The following LIPI variants were observed in gnomAD, a reference collection of about 807,000 sequenced individuals.
LIPI encodes the protein lipase I.
LIPI carries 59 observed loss-of-function variants against 50.6 expected under a neutral mutation model. The observed-to-expected ratio is 1.16, with a 90% CI of 0.94 to 1.45. The LOEUF is 1.45. Among genes scored for constraint, LIPI ranks in the 40% most tolerant of loss-of-function variants. The pLI, the probability that LIPI is intolerant of heterozygous loss-of-function variation, is 0.00. For synonymous variants in LIPI, 203 were observed against 178.2 expected (o/e 1.14, Z -1.11); for missense variants, 586 against 536.3 (o/e 1.09, Z -0.92).
intron 9 of LIPI, among the ~76,000 whole-genome samples, chr21:14,120,960 C>A (rs1193313820): frequency 1.3e-5 from 2 of 152,076 alleles, no homozygotes; most frequent in African/African-American, 4.8e-5. Flanking sequence ...CTACTCAGAC[C>A]CCAGGAATTC....
At chr21:14,193,600 A>G (rs1265808852) in intron 1 of LIPI, among the ~76,000 whole-genome samples, 1 of 152,138 alleles carries the variant, frequency 6.6e-6, no homozygotes, top group Non-Finnish European at 1.5e-5. Flanking sequence ...ATGCTGCACT[A>G]ACATCAAGCA....
Position 14,194,858 on chromosome 21 carries a change from T to C in LIPI, c.47-5439A>G, listed in dbSNP as rs564487066. ...AATTGAAAGAAAACAAAACAAAACATTAAGAATCCAATTCCTGTCATTATA... is the reference window on the plus strand; with the variant it reads ...AATTGAAAGAAAACAAAACAAAACACTAAGAATCCAATTCCTGTCATTATA... On this transcript the variant is annotated intron_variant, in intron 1 of 9. Coordinates refer to ENST00000681601, the MANE Select transcript of LIPI (RefSeq NM_001302998.2). 4.6e-5 allele frequency among the ~76,000 whole-genome samples: 7 copies of C among 152,250 alleles called. No homozygotes were observed. The South Asian group carries it at 1.5e-3, about 32-fold the overall frequency.
intron 7 of LIPI, among the ~76,000 whole-genome samples, chr21:14,161,856 TATAATTACATA>T (rs1480098174): frequency 1.7e-5 from 2 of 115,964 alleles, no homozygotes; most frequent in Non-Finnish European, 1.7e-5. Flanking sequence ...CATTATTATA[TATAATTACATA>T]TAATATAACA....
intron 9 of LIPI, among the ~76,000 whole-genome samples, chr21:14,139,996 T>C (rs541813180): frequency 6.6e-6 from 1 of 152,282 alleles, no homozygotes; most frequent in African/African-American, 2.4e-5. Context: ...GTTTGTAAGC[T>C]ATTGTGAAGA....
At chr21:14,199,501 A>G (rs1337829068) in intron 1 of LIPI, among the ~76,000 whole-genome samples, 1 of 151,988 alleles carries the variant, frequency 6.6e-6, no homozygotes, top group Non-Finnish European at 1.5e-5. Flanking sequence ...AAATTGATAA[A>G]TTCCTGGACA....
At chr21:14,190,344 GT>G (rs200411488) in intron 1 of LIPI, among the ~76,000 whole-genome samples, 2 of 151,610 alleles carry the variant, frequency 1.3e-5, no homozygotes, top group Admixed American at 6.6e-5. Context: ...CCCCATAGTG[GT>G]TTTTTTTCCA....
intron 9 of LIPI, among the ~76,000 whole-genome samples, chr21:14,141,476 GT>G (rs1015390874): frequency 6.6e-6 from 1 of 150,552 alleles, no homozygotes; most frequent in African/African-American, 2.4e-5. Flanking sequence ...ATGGATTTTT[GT>G]TTTCTTAACT....
intron 7 of LIPI, among the ~76,000 whole-genome samples, chr21:14,156,735 T>A (rs1017701394): frequency 2.6e-5 from 4 of 151,614 alleles, no homozygotes; most frequent in African/African-American, 9.7e-5. Flanking sequence ...GCTGGAAAAA[T>A]TTTTAGGAAC....
chr21:14,119,207 C>T (rs545017561), intron 9 of LIPI, among the ~76,000 whole-genome samples: 2 of 152,274 alleles, frequency 1.3e-5, no homozygotes, highest in South Asian at 2.1e-4. Context: ...GAAGCACTAG[C>T]CTCAGACTTA....
At chr21:14,209,164 A>C (rs1357178933) in intron 1 of LIPI, among the ~76,000 whole-genome samples, 1 of 152,248 alleles carries the variant, frequency 6.6e-6, no homozygotes, top group South Asian at 2.1e-4. Context: ...GCATATATGC[A>C]TATAATTTGA....
intron 9 of LIPI, among the ~76,000 whole-genome samples, chr21:14,128,922 AGT>A (rs1241754498): frequency 9.2e-5 from 14 of 152,186 alleles, no homozygotes; most frequent in Non-Finnish European, 1.8e-4. Flanking sequence ...TAGTTCTCAG[AGT>A]GAGAATGGTA....
Position 14,208,943 on chromosome 21 carries a change from C to A in LIPI, c.46+1857G>T, listed in dbSNP as rs1302294738. 5.9e-5 allele frequency among the ~76,000 whole-genome samples: 9 copies of A among 152,148 alleles called. No individual in the cohort carries two copies. The South Asian group carries it at 1.9e-3, about 32-fold the overall frequency. On this transcript the variant is annotated intron_variant, in intron 1 of 9. Coordinates refer to ENST00000681601, the MANE Select transcript of LIPI (RefSeq NM_001302998.2). ...GTGTGTGCCTGCAGCCCCAGCTACC[C>A]TGCAAGCTGAAGCCAGAGGATTTCT...
chr21:14,109,922 A>G (rs1313771745), intron 9 of LIPI, among the ~76,000 whole-genome samples: 1 of 151,804 alleles, frequency 6.6e-6, no homozygotes, highest in Non-Finnish European at 1.5e-5. Context: ...TATGTTTAAT[A>G]GTTCCTTCTC....
chr21:14,153,082 AGCTATT>A (rs1232603635), intron 7 of LIPI, among the ~76,000 whole-genome samples: 8 of 152,236 alleles, frequency 5.3e-5, no homozygotes, highest in Non-Finnish European at 8.8e-5. Context: ...TAATAGTACC[AGCTATT>A]GCTTGCCAAA....
At chr21:14,120,087 G>T (rs113220472) in intron 9 of LIPI, among the ~76,000 whole-genome samples, 3 of 152,150 alleles carry the variant, frequency 2.0e-5, no homozygotes, top group Non-Finnish European at 4.4e-5. Flanking sequence ...GGAAGCCCCC[G>T]TTATGTGCCC....
At chr21:14,176,550 AT>A (rs1468224913) in intron 4 of LIPI, among the ~76,000 whole-genome samples, 1 of 151,702 alleles carries the variant, frequency 6.6e-6, no homozygotes, top group Non-Finnish European at 1.5e-5. Context: ...TTCATTAGTT[AT>A]TTTTAAATGT....
intron 1 of LIPI, among the ~76,000 whole-genome samples, chr21:14,205,928 A>C (rs561177272): frequency 6.6e-6 from 1 of 152,290 alleles, no homozygotes; most frequent in East Asian, 1.9e-4. Flanking sequence ...TACATAATAT[A>C]GAATTTTATT....
chr21:14,165,180 C>G, intron 6 of LIPI, 43 bp downstream of exon 6: 1 of 1,400,876 alleles, frequency 7.1e-7, no homozygotes, highest in Non-Finnish European at 1.0e-6. Flanking sequence ...TTATGTTATT[C>G]ATATTAAATA....
chr21:14,184,947 C>G (rs562665568), intron 3 of LIPI, among the ~76,000 whole-genome samples: 1 of 152,238 alleles, frequency 6.6e-6, no homozygotes, highest in African/African-American at 2.4e-5. Flanking sequence ...TGTTATTCAC[C>G]TCTTTCCCCC....
Sources: allele counts gnomAD v4.1 joint callset (sites outside exome capture counted in the v4.1 genomes callset), GRCh38; gene constraint gnomAD v4.1.1; transcripts MANE v1.5; gene names NCBI Gene and HGNC (gene_info 2026-07-23, HGNC 2026-07-21).